APBB1: variants seen among roughly 807,000 people sequenced by gnomAD.
APBB1 encodes adaptor protein FE65a2.
A neutral mutation model predicts 78.4 loss-of-function variants in APBB1; 22 were observed. That is an observed-to-expected ratio of 0.28 (90% CI 0.20 to 0.40). The LOEUF (loss-of-function observed/expected upper bound fraction) is 0.40. Ranked by LOEUF, APBB1 falls within the 10% of genes least tolerant of loss-of-function variation. The probability of loss-of-function intolerance (pLI) is 1.00; values close to 1 mark genes in which losing one functional copy is unlikely to be tolerated. For missense variants in APBB1, 749 were observed against 932.4 expected (o/e 0.80, Z 2.56); for synonymous variants, 369 against 372.7 (o/e 0.99, Z 0.12).
Position 6,403,632 on chromosome 11 carries a change from G to A in APBB1, c.897+15C>T, listed in dbSNP as rs376648132. On this transcript the variant is annotated intron_variant, in intron 3 of 14. Transcript: ENST00000609360. The surrounding 1 kb of genome is among the most constrained non-coding windows in gnomAD (Gnocchi z 5.3). ...TCCACCCCTGGCCCAAAATCAACAG[G>A]CCTGTGAGCCTCACCTGGGACTCCT... The A allele has an allele frequency of 1.0e-4, 162 of 1,611,136 alleles. No individual in the cohort carries two copies. Among genetic ancestry groups the A allele is most frequent in the Non-Finnish European group, 1.3e-4 (148 of 1,178,100 alleles).
rs376108082 is a variant in APBB1 at position 6,401,416 on chromosome 11, C to T, written c.1517G>A (p.Arg506Gln). 1.2e-5 allele frequency: 20 copies of T among 1,613,834 alleles called. No individual in the cohort carries two copies. The highest frequency in any genetic ancestry group is 6.7e-5 in the African/African-American group (5 of 74,876). The change falls in exon 11 of 15, where the codon CGG becomes CAG. Residue 506 changes from arginine (R) to glutamine (Q), a missense_variant. This residue lies in a region of APBB1 where 635 missense variants were observed against 765.0 expected (regional missense o/e 0.83). Transcript: ENST00000609360. This position sits in a 1 kb window ranked among gnomAD's most constrained non-coding sequence, Gnocchi z 4.5. ...HEICSKIMAE[R>Q]RNARCLVNGL... ...ATTTACCAAGCAGCGGGCATTACGCCGTTCGGCCATGATCTGAGGAAGGAA... is the reference window on the plus strand; with the variant it reads ...ATTTACCAAGCAGCGGGCATTACGCTGTTCGGCCATGATCTGAGGAAGGAA...
Position 6,403,022 on chromosome 11 carries a change from C to A in APBB1, c.1104+123G>T. ...TCAGACACAGGGCTCTGTGCTGAGACTGGAAGAACTCCTAACTCAGGACCT... is the reference window on the plus strand; with the variant it reads ...TCAGACACAGGGCTCTGTGCTGAGAATGGAAGAACTCCTAACTCAGGACCT... On this transcript the variant is annotated intron_variant, in intron 6 of 14. Transcript: ENST00000609360. The surrounding 1 kb of genome is among the most constrained non-coding windows in gnomAD (Gnocchi z 5.3). 4.0e-6 allele frequency: 4 copies of A among 990,928 alleles called. No homozygotes were observed. Among genetic ancestry groups the A allele is most frequent in the Non-Finnish European group, 6.0e-6 (4 of 663,218 alleles). The allele number at this position is 990,928 out of a possible 1,614,324, so 61.4% of individuals were successfully genotyped here.
chr11:6,404,481 G>A (rs1848697085), intron 2 of APBB1: 2 of 1,157,894 alleles, frequency 1.7e-6, no homozygotes, highest in African/African-American at 1.5e-5. Context: ...CACACAGGCG[G>A]ACCCACACTC....
chr11:6,404,071 G>A, intron 2 of APBB1: 1 of 435,434 alleles, frequency 2.3e-6, no homozygotes, highest in South Asian at 6.7e-5. Flanking sequence ...GTGGAAAGGA[G>A]GAAGGCAGGG....
At chr11:6,408,837 C>G (rs1357062071) in intron 2 of APBB1, among the ~76,000 whole-genome samples, 1 of 152,138 alleles carries the variant, frequency 6.6e-6, no homozygotes, top group Non-Finnish European at 1.5e-5. Flanking sequence ...CAGGGTTTCA[C>G]CATGTTAACC....
intron 2 of APBB1, among the ~76,000 whole-genome samples, chr11:6,408,534 C>T (rs1158910756): frequency 2.0e-5 from 3 of 149,542 alleles, no homozygotes; most frequent in Admixed American, 6.7e-5. Context: ...GAAGGAGTCT[C>T]GCTCTTATTG....
intron 2 of APBB1, among the ~76,000 whole-genome samples, chr11:6,405,912 C>T (rs1848782905): frequency 6.6e-6 from 1 of 152,228 alleles, no homozygotes; most frequent in African/African-American, 2.4e-5. Flanking sequence ...CCCTCCACAG[C>T]CACAGCCTGC....
At position 6,401,213 on chromosome 11, in the gene APBB1, C is replaced by T. The variant is rs1380213445; in HGVS notation, c.1588+132G>A. 6.2e-7 allele frequency: 1 copy of T among 1,610,502 alleles called. No individual in the cohort carries two copies. Among genetic ancestry groups the T allele is most frequent in the Non-Finnish European group, 8.5e-7 (1 of 1,178,240 alleles). On this transcript the variant is annotated intron_variant, in intron 11 of 14. Transcript: ENST00000609360. This position sits in a 1 kb window ranked among gnomAD's most constrained non-coding sequence, Gnocchi z 4.5. ...CTGCCTCCCTTTAACCGGAGTCCCTCCACGTATTGGAGTATTCAGTCTTCA... is the reference window on the plus strand; with the variant it reads ...CTGCCTCCCTTTAACCGGAGTCCCTTCACGTATTGGAGTATTCAGTCTTCA...
chr11:6,396,627 TA>T, intron 12 of APBB1: 1 of 205,460 alleles, frequency 4.9e-6, no homozygotes, highest in Admixed American at 5.9e-5. Flanking sequence ...AATTATTTTT[TA>T]AGATATCTAT....
intron 1 of APBB1, among the ~76,000 whole-genome samples, chr11:6,414,378 C>T (rs1849068685): frequency 6.6e-6 from 1 of 152,218 alleles, no homozygotes; most frequent in Non-Finnish European, 1.5e-5. Context: ...TCTCACAACA[C>T]CCAGAACCAC....
In APBB1 at chr11:6,403,347, T is replaced by A; in HGVS notation, c.1012A>T (p.Thr338Ser). 1 of 1,614,044 alleles carries A rather than the reference T, an allele frequency of 6.2e-7. No homozygotes were observed. The highest frequency in any genetic ancestry group is 8.5e-7 in the Non-Finnish European group (1 of 1,179,986). Residue 338 changes from threonine to serine, a missense_variant, in exon 5 of 15, where the codon ACG becomes TCG. Thr to Ser is a moderately conservative substitution (Grantham distance 58). Transcript: ENST00000609360. The surrounding 1 kb of genome is among the most constrained non-coding windows in gnomAD (Gnocchi z 5.3). Reference protein sequence around the residue: ...ELGLKEPEEGTLTFPAQSLSP... With the variant: ...ELGLKEPEEGSLTFPAQSLSP... ...AGGCTCTGAGCTGGGAAGGTCAACG[T>A]CCCCTCCTCAGGTTCCTTCAGTCCC...
At chr11:6,412,966 C>T (rs1217404304) in intron 1 of APBB1, among the ~76,000 whole-genome samples, 1 of 152,068 alleles carries the variant, frequency 6.6e-6, no homozygotes, top group South Asian at 2.1e-4. Context: ...TTCTCCGCAA[C>T]CATTTGAGTC....
At chr11:6,412,723 G>C (rs1009046178) in intron 1 of APBB1, among the ~76,000 whole-genome samples, 1 of 152,166 alleles carries the variant, frequency 6.6e-6, no homozygotes, top group African/African-American at 2.4e-5. Flanking sequence ...CACAGAGCAG[G>C]AACTCCATTA....
chr11:6,414,179 C>A (rs759695226), intron 1 of APBB1, among the ~76,000 whole-genome samples: 1 of 152,172 alleles, frequency 6.6e-6, no homozygotes, highest in Non-Finnish European at 1.5e-5. Flanking sequence ...TGAAGCGTGG[C>A]GGATTCTGAA....
At chr11:6,416,658 T>G (rs995223896) in intron 1 of APBB1, among the ~76,000 whole-genome samples, 1 of 152,214 alleles carries the variant, frequency 6.6e-6, no homozygotes, top group East Asian at 1.9e-4. Flanking sequence ...TAGGTACTGA[T>G]GATTTCCTCT....
At position 6,411,387 on chromosome 11, in the gene APBB1, G is replaced by T; in HGVS notation, c.-14-26C>A. ...CTGTGGGGTGCGGAGGGGAGATGCTGTTGAGCCTCTGGTCCAGAACAGCAG... is the reference window on the plus strand; with the variant it reads ...CTGTGGGGTGCGGAGGGGAGATGCTTTTGAGCCTCTGGTCCAGAACAGCAG... On this transcript the variant is annotated intron_variant, in intron 1 of 14. Transcript: ENST00000609360. The surrounding 1 kb of genome is among the most constrained non-coding windows in gnomAD (Gnocchi z 5.2). 1 of 1,509,662 alleles carries T rather than the reference G, an allele frequency of 6.6e-7. No homozygotes were observed. 93.5% of individuals were successfully genotyped at this position (1,509,662 alleles called of 1,614,324 possible). A position where few individuals can be genotyped will look rare whatever the true frequency, so the allele number is the denominator to read the frequency against.
intron 2 of APBB1, among the ~76,000 whole-genome samples, chr11:6,410,366 T>A (rs12793638): frequency 1.3e-5 from 2 of 152,216 alleles, no homozygotes; most frequent in Non-Finnish European, 2.9e-5. Context: ...GCCAGTTACC[T>A]AGTCAGTGCC....
chr11:6,400,599 T>C (rs1454152100), intron 12 of APBB1, among the ~76,000 whole-genome samples: 1 of 151,438 alleles, frequency 6.6e-6, no homozygotes, highest in Non-Finnish European at 1.5e-5. Flanking sequence ...TTATGCTCAC[T>C]GTTTCCTTCT....
rs1564946063 is a variant in APBB1, at chr11:6,411,104, T to C, written c.244A>G (p.Thr82Ala). The C allele has an allele frequency of 6.2e-7, 1 of 1,612,632 alleles. No homozygotes were observed. The highest frequency in any genetic ancestry group is 8.5e-7 in the Non-Finnish European group (1 of 1,179,980). Residue 82 changes from threonine to alanine, a missense_variant, in exon 2 of 15, where the codon ACG (threonine) becomes GCG (alanine). By Grantham distance (58) the Thr-to-Ala change is moderately conservative. This residue lies in a region of APBB1 where 635 missense variants were observed against 765.0 expected (regional missense o/e 0.83). Transcript: ENST00000609360. The surrounding 1 kb of genome is among the most constrained non-coding windows in gnomAD (Gnocchi z 5.2). ...TTGCGATTCTGGTCACGGTGGGCCG[T>C]GGCGGCCCGCCGGAGCTGGTTCTGG... is the stretch of plus-strand genomic sequence containing the variant. ...EGQNQLRRAATAHRDQNRNVT... is the reference protein window; with the variant it reads ...EGQNQLRRAAAAHRDQNRNVT...
Sources: allele counts gnomAD v4.1 joint callset (sites outside exome capture counted in the v4.1 genomes callset), GRCh38; gene constraint gnomAD v4.1.1; regional missense constraint gnomAD v4.1.1; non-coding constraint Gnocchi (gnomAD v3.1); transcripts MANE v1.5; gene names NCBI Gene and HGNC (gene_info 2026-07-23, HGNC 2026-07-21).